Variants in RARS2 observed in about 807,000 individuals in gnomAD.
RARS2 encodes the protein probable arginine--tRNA ligase, mitochondrial.
Under a neutral mutation model 88.5 loss-of-function variants are expected in RARS2, and 67 were observed. That is an observed-to-expected ratio of 0.76 (90% CI 0.62 to 0.93). The LOEUF is 0.93. RARS2 is among the 40% of genes least tolerant of loss of function. The probability of loss-of-function intolerance (pLI) is 0.00; values close to 1 mark genes in which losing one functional copy is unlikely to be tolerated. For missense variants in RARS2, 664 were observed against 684.2 expected, an observed-to-expected ratio of 0.97 and a Z score of 0.33; for synonymous variants, 239 against 230.3, an observed-to-expected ratio of 1.04 and a Z score of -0.34.
intron 1 of RARS2, among the ~76,000 whole-genome samples, chr6:87,575,005 T>C (rs1017598354): frequency 1.3e-5 from 2 of 151,796 alleles, no homozygotes; most frequent in Non-Finnish European, 2.9e-5. Context: ...GAATGAAGAC[T>C]AGCAAACAAA....
intron 2 of RARS2, among the ~76,000 whole-genome samples, chr6:87,568,879 T>C (rs1355944568): frequency 6.6e-6 from 1 of 152,242 alleles, no homozygotes; most frequent in Non-Finnish European, 1.5e-5. Context: ...GACTACTATG[T>C]AGCTAATTTC....
At chr6:87,567,601 T>C (rs1768307750) in intron 2 of RARS2, among the ~76,000 whole-genome samples, 1 of 152,212 alleles carries the variant, frequency 6.6e-6, no homozygotes, top group Non-Finnish European at 1.5e-5. Flanking sequence ...GTAAGCACTC[T>C]GGAATAAAGT....
chr6:87,542,930 G>A (rs766091159), intron 7 of RARS2, among the ~76,000 whole-genome samples: 6 of 151,736 alleles, frequency 4.0e-5, no homozygotes, highest in Admixed American at 2.6e-4. Flanking sequence ...AAACCTGCAC[G>A]TTGTGCACAT....
At chr6:87,540,937 C>T (rs1468091951) in intron 8 of RARS2, among the ~76,000 whole-genome samples, 1 of 151,814 alleles carries the variant, frequency 6.6e-6, no homozygotes, top group African/African-American at 2.4e-5. Flanking sequence ...CTGTCCCCCA[C>T]ACCAGAAAAA....
chr6:87,523,513 A>C (rs1218560437), intron 11 of RARS2, among the ~76,000 whole-genome samples: 3 of 152,248 alleles, frequency 2.0e-5, no homozygotes, highest in Non-Finnish European at 4.4e-5. Flanking sequence ...AATTATTTTC[A>C]AAGAAAAAAG....
chr6:87,580,358 T>C lies in RARS2; in HGVS notation c.36+9564A>G, dbSNP rs553759489. 5.3e-5 allele frequency among the ~76,000 whole-genome samples: 8 copies of C among 152,124 alleles called. No individual in the cohort carries two copies. The South Asian group carries it at 1.7e-3, about 32-fold the overall frequency. On this transcript the variant is annotated intron_variant, in intron 1 of 19. Coordinates refer to ENST00000369536, the MANE Select transcript of RARS2 (RefSeq NM_020320.5). ...AGGTTACACAATGCGAACCAAATAA[T>C]AAAAGACTGACAGTAAACCTGAAAA... is the stretch of plus-strand genomic sequence containing the variant.
rs574746381 is a variant in RARS2, at chr6:87,515,442, C to T, written c.1587-422G>A. Reference sequence around the variant, plus strand: ...GGCTGAGGCAGGAGAATGGCGTGAACCCAGGAGGCAGAGCTTGCAGTGAGC... The same window carrying T: ...GGCTGAGGCAGGAGAATGGCGTGAATCCAGGAGGCAGAGCTTGCAGTGAGC... On this transcript the variant is annotated intron_variant, in intron 18 of 19. Transcript: ENST00000369536. Among the ~76,000 whole-genome samples the T allele has an allele frequency of 1.2e-3, 178 of 151,558 alleles. 2 individuals carry two copies. The highest frequency in any genetic ancestry group is 8.1e-4 in the Non-Finnish European group (55 of 67,790).
intron 1 of RARS2, among the ~76,000 whole-genome samples, chr6:87,589,475 G>A (rs1297817713): frequency 6.6e-6 from 1 of 152,120 alleles, no homozygotes; most frequent in Non-Finnish European, 1.5e-5. Context: ...ATCTTTGGGC[G>A]TTACCAAAAA....
intron 10 of RARS2, among the ~76,000 whole-genome samples, chr6:87,525,403 T>TC (rs1490900616): frequency 1.3e-5 from 2 of 152,178 alleles, no homozygotes; most frequent in African/African-American, 4.8e-5. Flanking sequence ...TCTTTTTTTT[T>TC]CAATATGATC....
chr6:87,523,086 A>G (rs1387184482), intron 11 of RARS2, among the ~76,000 whole-genome samples: 4 of 152,208 alleles, frequency 2.6e-5, no homozygotes, highest in African/African-American at 9.6e-5. Flanking sequence ...TGTAGAGCAG[A>G]TTATCACAAA....
In RARS2 at chr6:87,518,208, T is replaced by C; in HGVS notation, c.1472A>G (p.Gln491Arg). The C allele has an allele frequency of 6.2e-7, 1 of 1,614,168 alleles. No individual in the cohort carries two copies. Among genetic ancestry groups the C allele is most frequent in the South Asian group, 1.1e-5 (1 of 91,080 alleles). ...YLNDFNTACL[Q>R]EPQSVSILQH... ...AAGAATTGAAACAGACTGTGGCTCTTGTAAACAAGCAGTGTTGAAGTCATT... is the reference window on the plus strand; with the variant it reads ...AAGAATTGAAACAGACTGTGGCTCTCGTAAACAAGCAGTGTTGAAGTCATT... The change falls in exon 17 of 20, where the codon CAA becomes CGA. Residue 491 changes from glutamine (Q) to arginine (R), a missense_variant. Gln to Arg is a conservative substitution (Grantham distance 43). Transcript: ENST00000369536.
rs768728673 is a variant in RARS2 at position 87,569,517 on chromosome 6, T to C, written c.110A>G (p.Glu37Gly). ...SISAVPISQK[E>G]EVADFQLSVD... is the part of the protein sequence containing the mutation. ...TTGTTACAAGTGTATTATACTTAACTCTTTTTGGGAAATTGGAACTGCAGA... is the reference window on the plus strand; with the variant it reads ...TTGTTACAAGTGTATTATACTTAACCCTTTTTGGGAAATTGGAACTGCAGA... The change falls in exon 2 of 20, where the codon GAA becomes GGA. Residue 37 changes from glutamate (E) to glycine (G), a missense_variant and splice_region_variant. Glu to Gly is a moderately conservative substitution (Grantham distance 98). Transcript: ENST00000369536. 3.8e-6 allele frequency: 6 copies of C among 1,587,176 alleles called. No homozygotes were observed. Among genetic ancestry groups the C allele is most frequent in the Non-Finnish European group, 5.2e-6 (6 of 1,155,834 alleles).
Position 87,558,868 on chromosome 6 carries a change from A to G in RARS2, c.298-3363T>C, listed in dbSNP as rs79723401. ...TACTTATTAAAAACAATTAACTGTA[A>G]AAGTGCCTCAGGCAGGTCCTTCAGG... is the stretch of plus-strand genomic sequence containing the variant. On this transcript the variant is annotated intron_variant, in intron 4 of 19. Coordinates refer to ENST00000369536, the MANE Select transcript of RARS2 (RefSeq NM_020320.5). Among the ~76,000 whole-genome samples the G allele has an allele frequency of 2.2e-4, 33 of 152,380 alleles. No individual in the cohort carries two copies. The East Asian group carries it at 6.4e-3, about 29-fold the overall frequency.
intron 4 of RARS2, among the ~76,000 whole-genome samples, chr6:87,557,231 C>T (rs779940928): frequency 1.3e-5 from 2 of 152,016 alleles, no homozygotes; most frequent in African/African-American, 2.4e-5. Context: ...TGCACAAGGA[C>T]GTAGAGAAAA....
chr6:87,570,976 T>G (rs1004113212), intron 1 of RARS2, among the ~76,000 whole-genome samples: 2 of 152,240 alleles, frequency 1.3e-5, no homozygotes, highest in Admixed American at 1.3e-4. Context: ...GGGAATTTAC[T>G]TAACTTGCCT....
intron 5 of RARS2, among the ~76,000 whole-genome samples, chr6:87,554,950 A>G (rs1785365768): frequency 6.6e-6 from 1 of 151,992 alleles, no homozygotes; most frequent in South Asian, 2.1e-4. Context: ...AAAATCCAAA[A>G]AAAATTAGCC....
chr6:87,541,972 C>G lies in RARS2; in HGVS notation c.558G>C (p.Gln186His). Residue 186 changes from glutamine to histidine, a missense_variant, in exon 8 of 20, where the codon CAG (glutamine) becomes CAC (histidine). Physicochemically the swap from Gln to His is conservative, Grantham distance 24. Transcript: ENST00000369536. ...GCAGTTTTTCCTCATAGCCAAACAG[C>G]TGGAAGCCAGTTCCCAGAAGACCTA... Reference protein sequence around the residue: ...MQFGLLGTGFQLFGYEEKLQS... With the variant: ...MQFGLLGTGFHLFGYEEKLQS... 1 of 1,613,392 alleles carries G rather than the reference C, an allele frequency of 6.2e-7. No homozygotes were observed. Among genetic ancestry groups the G allele is most frequent in the Non-Finnish European group, 8.5e-7 (1 of 1,179,492 alleles).
At chr6:87,575,472 T>A (rs926963237) in intron 1 of RARS2, among the ~76,000 whole-genome samples, 1 of 152,270 alleles carries the variant, frequency 6.6e-6, no homozygotes, top group African/African-American at 2.4e-5. Context: ...ACATACATAG[T>A]GTCTACCAGA....
intron 5 of RARS2, among the ~76,000 whole-genome samples, chr6:87,550,704 T>A (rs1465491259): frequency 7.1e-6 from 1 of 141,020 alleles, no homozygotes; most frequent in Admixed American, 7.0e-5. Context: ...ATGAAGCCGA[T>A]TTAAGAAAAA....
Sources: gnomAD v4.1 joint callset for allele counts (sites outside exome capture counted in the v4.1 genomes callset) on GRCh38, gnomAD v4.1.1 for gene constraint, MANE v1.5 for transcripts, NCBI Gene and HGNC (gene_info 2026-07-23, HGNC 2026-07-21) for gene names.